The following SAMMSON variants were observed in gnomAD, a reference collection of about 807,000 sequenced individuals.
SAMMSON encodes long intergenic non-protein coding RNA 1212.
At chr3:70,130,611 G>T (rs961468077) in intron 4 of SAMMSON, among the ~76,000 whole-genome samples, 7 of 152,172 alleles carry the variant, frequency 4.6e-5, no homozygotes, top group Non-Finnish European at 7.4e-5. Flanking sequence ...TGTGGCTTCT[G>T]CTTGGCCCTC....
At chr3:70,273,300 C>G (rs1409182206) in intron 6 of SAMMSON, among the ~76,000 whole-genome samples, 1 of 152,178 alleles carries the variant, frequency 6.6e-6, no homozygotes, top group Non-Finnish European at 1.5e-5. Flanking sequence ...TCTCTGAAGA[C>G]TACTCTAAGG....
chr3:70,389,818 T>C (rs950121372), exon 10 of SAMMSON: 7 of 152,166 alleles, frequency 4.6e-5, no homozygotes, highest in Non-Finnish European at 1.5e-5. Flanking sequence ...TGGATGTCAT[T>C]TGCGATTTGG....
intron 4 of SAMMSON, among the ~76,000 whole-genome samples, chr3:70,105,538 C>A (rs567433943): frequency 6.6e-6 from 1 of 152,166 alleles, no homozygotes; most frequent in Non-Finnish European, 1.5e-5. Flanking sequence ...ATCTTTCCAG[C>A]ACGAGGTGCA....
At chr3:70,316,772 A>G (rs1361017597) in intron 7 of SAMMSON, among the ~76,000 whole-genome samples, 2 of 152,122 alleles carry the variant, frequency 1.3e-5, no homozygotes, top group Non-Finnish European at 2.9e-5. Flanking sequence ...TGCGAATTCA[A>G]GGATTTATGA....
downstream of SAMMSON, among the ~76,000 whole-genome samples, chr3:70,394,366 C>T (rs779539444): frequency 2.0e-5 from 3 of 152,080 alleles, no homozygotes; most frequent in Non-Finnish European, 4.4e-5. Context: ...TTTCCCTTTG[C>T]GTGGCCTTGA....
chr3:70,035,788 C>A (rs1302694625), intron 3 of SAMMSON, among the ~76,000 whole-genome samples: 1 of 152,152 alleles, frequency 6.6e-6, no homozygotes. Context: ...TTCTGAGTCA[C>A]ACTCATTGTG....
chr3:70,321,173 A>G (rs1702536034), intron 7 of SAMMSON, among the ~76,000 whole-genome samples: 1 of 152,098 alleles, frequency 6.6e-6, no homozygotes, highest in African/African-American at 2.4e-5. Flanking sequence ...ATATCTATAC[A>G]TTCACAAAAT....
chr3:70,272,094 A>C (rs1701981227), intron 6 of SAMMSON: 1 of 152,204 alleles, frequency 6.6e-6, no homozygotes, highest in Non-Finnish European at 1.5e-5. Flanking sequence ...AAATAACAAC[A>C]ATCCCCAAAT....
chr3:70,139,739 A>G (rs1296358958), intron 4 of SAMMSON, among the ~76,000 whole-genome samples: 1 of 152,122 alleles, frequency 6.6e-6, no homozygotes, highest in Non-Finnish European at 1.5e-5. Flanking sequence ...TTGGCCTGTG[A>G]TTTTAAGTAT....
At chr3:70,169,841 G>T (rs1363919861) in intron 4 of SAMMSON, among the ~76,000 whole-genome samples, 1 of 151,696 alleles carries the variant, frequency 6.6e-6, no homozygotes, top group Admixed American at 6.6e-5. Flanking sequence ...TAGTTTATAG[G>T]CCCTTGATTA....
At chr3:70,104,039 T>C (rs757643436) in intron 4 of SAMMSON, among the ~76,000 whole-genome samples, 37 of 151,576 alleles carry the variant, frequency 2.4e-4, no homozygotes, top group Middle Eastern at 3.4e-3. Context: ...AAACGTAGAA[T>C]TGGAAATGAC....
chr3:70,045,847 A>G (rs1233605411), intron 3 of SAMMSON, among the ~76,000 whole-genome samples: 1 of 152,092 alleles, frequency 6.6e-6, no homozygotes, highest in East Asian at 1.9e-4. Flanking sequence ...TAAATCATAC[A>G]AATTATTCCT....
chr3:70,239,439 G>T (rs1284442036), intron 4 of SAMMSON, among the ~76,000 whole-genome samples: 1 of 152,142 alleles, frequency 6.6e-6, no homozygotes, highest in Non-Finnish European at 1.5e-5. Context: ...TGTTCCCAAA[G>T]AGAACATTTC....
At chr3:70,217,689 A>G (rs746680151) in intron 4 of SAMMSON, among the ~76,000 whole-genome samples, 15 of 152,178 alleles carry the variant, frequency 9.9e-5, no homozygotes, top group Non-Finnish European at 1.6e-4. Context: ...TGGTAATCTG[A>G]AATCTCTTGC....
chr3:70,372,090 C>T (rs1702975021), intron 9 of SAMMSON, among the ~76,000 whole-genome samples: 2 of 152,142 alleles, frequency 1.3e-5, no homozygotes, highest in South Asian at 4.1e-4. Flanking sequence ...TATTGAGAAT[C>T]ATCAGAAATT....
chr3:70,413,558 A>T (rs1701239526), intron 2 of SAMMSON, among the ~76,000 whole-genome samples: 2 of 152,148 alleles, frequency 1.3e-5, no homozygotes, highest in South Asian at 4.1e-4. Flanking sequence ...TTAAAATTAC[A>T]TAAAAAGAAA....
chr3:70,160,412 T>A (rs1209255664), intron 4 of SAMMSON, among the ~76,000 whole-genome samples: 1 of 142,850 alleles, frequency 7.0e-6, no homozygotes, highest in African/African-American at 2.5e-5. Context: ...AGGCAATAGC[T>A]TATTGTACCA....
At chr3:70,071,835 A>C (rs1353406785) in intron 4 of SAMMSON, 1 of 151,956 alleles carries the variant, frequency 6.6e-6, no homozygotes. Context: ...TTTCTTTTCC[A>C]GCTGAAGTAT....
intron 6 of SAMMSON, among the ~76,000 whole-genome samples, chr3:70,276,904 C>A (rs9827678): frequency 0.042 from 6,448 of 152,082 alleles, 152 homozygotes; most frequent in Middle Eastern, 0.078. Context: ...AGTTTATGTT[C>A]TCAACTGTAA....
Sources: allele counts gnomAD v4.1 joint callset (sites outside exome capture counted in the v4.1 genomes callset), GRCh38; gene constraint gnomAD v4.1.1; transcripts MANE v1.5; gene names NCBI Gene and HGNC (gene_info 2026-07-23, HGNC 2026-07-21).